SEL1L2: variants seen among roughly 807,000 people sequenced by gnomAD.
SEL1L2 encodes protein sel-1 homolog 2.
SEL1L2 carries 89 observed loss-of-function variants against 98.8 expected under a neutral mutation model. That is an observed-to-expected ratio of 0.90 (90% CI 0.76 to 1.07). The LOEUF (loss-of-function observed/expected upper bound fraction) is 1.07. SEL1L2 is among the 50% of genes least tolerant of loss of function. The pLI, the probability that SEL1L2 is intolerant of heterozygous loss-of-function variation, is 0.00. For synonymous variants in SEL1L2, 262 were observed against 278.5 expected, an observed-to-expected ratio of 0.94 and a Z score of 0.59; for missense variants, 788 against 812.0, an observed-to-expected ratio of 0.97 and a Z score of 0.36.
intron 1 of SEL1L2, among the ~76,000 whole-genome samples, chr20:13,981,305 G>C (rs571856416): frequency 1.3e-5 from 2 of 152,144 alleles, no homozygotes; most frequent in Non-Finnish European, 2.9e-5. Context: ...GGCTGGGGAG[G>C]GGGGTGTGGG....
intron 18 of SEL1L2, chr20:13,851,328 C>T (rs951931786): frequency 6.6e-6 from 1 of 152,072 alleles, no homozygotes; most frequent in Non-Finnish European, 1.5e-5. Flanking sequence ...ACTTACCATA[C>T]CTGAAGTTCT....
intron 10 of SEL1L2, among the ~76,000 whole-genome samples, chr20:13,883,399 C>A (rs1600596811): frequency 6.6e-6 from 1 of 152,218 alleles, no homozygotes; most frequent in Middle Eastern, 3.4e-3. Flanking sequence ...TTTGTTTTGG[C>A]CTGGGTCAAA....
At chr20:13,987,506 C>T (rs1250358951) in intron 1 of SEL1L2, among the ~76,000 whole-genome samples, 1 of 151,806 alleles carries the variant, frequency 6.6e-6, no homozygotes, top group Non-Finnish European at 1.5e-5. Flanking sequence ...CCACTATACC[C>T]AGCTAATTTT....
intron 5 of SEL1L2, among the ~76,000 whole-genome samples, chr20:13,902,209 A>G (rs1216572780): frequency 6.6e-6 from 1 of 152,086 alleles, no homozygotes; most frequent in African/African-American, 2.4e-5. Flanking sequence ...CTACCTCTGG[A>G]ATCGAGTCCC....
intron 3 of SEL1L2, among the ~76,000 whole-genome samples, chr20:13,921,436 T>C (rs11907043): frequency 0.059 from 8,925 of 152,282 alleles, 304 homozygotes; most frequent in African/African-American, 0.092. Context: ...CTTCCCAAAA[T>C]GCTGGGATTA....
rs1268943206 is a variant in SEL1L2 at position 13,885,541 on chromosome 20, C to T, written c.901-138G>A. On this transcript the variant is annotated intron_variant, in intron 9 of 19. Transcript: ENST00000284951. ...TCCTGAAAAAATCAGGGAAACATTC[C>T]AGACTATATCATTTATTGGGTAATT... is the stretch of plus-strand genomic sequence containing the variant. 4.3e-5 allele frequency: 28 copies of T among 655,258 alleles called. No individual in the cohort carries two copies. In the Middle Eastern group the frequency reaches 1.5e-3, roughly 34 times the overall value. The allele number at this position is 655,258 out of a possible 1,614,324, so 40.6% of individuals were successfully genotyped here. A position where few individuals can be genotyped will look rare whatever the true frequency, so the allele number is the denominator to read the frequency against.
At chr20:13,916,885 T>C (rs1369942743) in intron 4 of SEL1L2, among the ~76,000 whole-genome samples, 1 of 152,104 alleles carries the variant, frequency 6.6e-6, no homozygotes, top group Non-Finnish European at 1.5e-5. Context: ...AAGAATAGCA[T>C]GAAACTGAAT....
Position 13,849,284 on chromosome 20 carries a change from A to G in SEL1L2, c.*201T>C, listed in dbSNP as rs1312130794. ...AGGTCTTAGGTGACCAGTTCCCAGCATCCCGCAAAGGGTTTTCTCTACTAA... is the reference window on the plus strand; with the variant it reads ...AGGTCTTAGGTGACCAGTTCCCAGCGTCCCGCAAAGGGTTTTCTCTACTAA... On this transcript the variant is annotated 3_prime_UTR_variant, in exon 20 of 20. Coordinates refer to ENST00000284951, the MANE Select transcript of SEL1L2 (RefSeq NM_025229.2). 1.8e-5 allele frequency: 10 copies of G among 567,084 alleles called. No individual in the cohort carries two copies. Among genetic ancestry groups the G allele is most frequent in the Non-Finnish European group, 2.7e-5 (9 of 329,452 alleles). 35.1% of individuals were successfully genotyped at this position (567,084 alleles called of 1,614,324 possible).
At position 13,932,437 on chromosome 20, in the gene SEL1L2, TA is replaced by T. The variant is rs137948652; in HGVS notation, c.115-667del. On this transcript the variant is annotated intron_variant, in intron 2 of 19. Coordinates refer to ENST00000284951, the MANE Select transcript of SEL1L2 (RefSeq NM_025229.2). ...TTATTATTATTATTATTATTATTAT[TA>T]TTATTATTTTTTGAGACGAGTTTCA... is the stretch of plus-strand genomic sequence containing the variant. Among the ~76,000 whole-genome samples, 35 of 149,262 alleles carry T rather than the reference TA, an allele frequency of 2.3e-4. No homozygotes were observed. In the South Asian group the frequency reaches 3.0e-3, roughly 13 times the overall value.
intron 10 of SEL1L2, among the ~76,000 whole-genome samples, chr20:13,882,095 C>T (rs553628237): frequency 6.6e-6 from 1 of 151,724 alleles, no homozygotes; most frequent in East Asian, 1.9e-4. Flanking sequence ...TAAATATGTA[C>T]AATTATTATG....
At chr20:13,865,922 T>G (rs1312013710) in intron 15 of SEL1L2, among the ~76,000 whole-genome samples, 2 of 151,726 alleles carry the variant, frequency 1.3e-5, no homozygotes, top group African/African-American at 2.4e-5. Flanking sequence ...ACAGCTGATG[T>G]GAAAAGGAGA....
chr20:13,971,240 G>A (rs1228357951), intron 1 of SEL1L2, among the ~76,000 whole-genome samples: 3 of 152,058 alleles, frequency 2.0e-5, no homozygotes, highest in African/African-American at 2.4e-5. Flanking sequence ...ACTGTTTATT[G>A]TATCCTTTTC....
In SEL1L2 at chr20:13,870,176, C is replaced by G. The variant is rs1368792161; in HGVS notation, c.1132G>C (p.Gly378Arg). Reference sequence around the variant, plus strand: ...CCTTTTCCATGAAAGTAAAGAAGACCAAGCCCATGAAGGCCGATTGCATTG... The same window carrying G: ...CCTTTTCCATGAAAGTAAAGAAGACGAAGCCCATGAAGGCCGATTGCATTG... ...KGNAIGLHGL[G>R]LLYFHGKGVP... is the part of the protein sequence containing the mutation. Residue 378 changes from glycine to arginine, a missense_variant, in exon 13 of 20, where the codon GGT (glycine) becomes CGT (arginine). By Grantham distance (125) the Gly-to-Arg change is moderately radical. Coordinates refer to ENST00000284951, the MANE Select transcript of SEL1L2 (RefSeq NM_025229.2). 5 of 1,610,790 alleles carry G rather than the reference C, an allele frequency of 3.1e-6. No homozygotes were observed. The highest frequency in any genetic ancestry group is 4.2e-6 in the Non-Finnish European group (5 of 1,177,936).
intron 5 of SEL1L2, among the ~76,000 whole-genome samples, chr20:13,911,926 T>C (rs553518992): frequency 5.3e-5 from 8 of 152,308 alleles, no homozygotes; most frequent in African/African-American, 1.9e-4. Context: ...TTCTTTATAA[T>C]GAAAGATTAC....
At chr20:13,990,662 G>A, upstream of SEL1L2, 1 of 669,314 alleles carries the variant, frequency 1.5e-6, no homozygotes, top group Non-Finnish European at 2.6e-6. Context: ...CCTTACTCTT[G>A]GGCCAATGGG....
At chr20:13,929,852 G>A (rs958977893) in intron 3 of SEL1L2, among the ~76,000 whole-genome samples, 5 of 151,168 alleles carry the variant, frequency 3.3e-5, no homozygotes, top group Admixed American at 3.3e-4. Context: ...GTGCAGTGGC[G>A]CAATCTCAGC....
intron 1 of SEL1L2, among the ~76,000 whole-genome samples, chr20:13,976,308 T>TTTG (rs1168167701): frequency 3.9e-5 from 6 of 152,086 alleles, no homozygotes; most frequent in African/African-American, 7.2e-5. Flanking sequence ...ACTGTTTTTT[T>TTTG]TTGTTGTTGT....
upstream of SEL1L2, among the ~76,000 whole-genome samples, chr20:13,994,475 T>C (rs973084539): frequency 6.6e-6 from 1 of 152,118 alleles, no homozygotes; most frequent in Admixed American, 6.5e-5. Flanking sequence ...CAAATAATTA[T>C]TTGCCCAATA....
rs1348510666 is a variant in SEL1L2 at position 13,888,448 on chromosome 20, A to G, written c.603+11T>C. On this transcript the variant is annotated intron_variant, in intron 6 of 19. Transcript: ENST00000284951. Reference sequence around the variant, plus strand: ...CAATTTTGTTCCAGAATAAAACAGAATGATCTTTACCTTAGCTTGATCATA... The same window carrying G: ...CAATTTTGTTCCAGAATAAAACAGAGTGATCTTTACCTTAGCTTGATCATA... 1.3e-6 allele frequency: 2 copies of G among 1,522,074 alleles called. No homozygotes were observed. Among genetic ancestry groups the G allele is most frequent in the Non-Finnish European group, 1.8e-6 (2 of 1,106,606 alleles). 94.3% of individuals were successfully genotyped at this position (1,522,074 alleles called of 1,614,324 possible).
Sources: allele counts gnomAD v4.1 joint callset (sites outside exome capture counted in the v4.1 genomes callset), GRCh38; gene constraint gnomAD v4.1.1; transcripts MANE v1.5; gene names NCBI Gene and HGNC (gene_info 2026-07-23, HGNC 2026-07-21).